Variants in MET observed in about 807,000 individuals in gnomAD.
MET encodes hepatocyte growth factor receptor.
MET carries 48 observed loss-of-function variants against 133.1 expected under a neutral mutation model. The observed-to-expected ratio is 0.36, with a 90% CI of 0.29 to 0.46. The LOEUF (loss-of-function observed/expected upper bound fraction) is 0.46. MET is among the 20% of genes least tolerant of loss of function. The pLI, the probability that MET is intolerant of heterozygous loss-of-function variation, is 1.00. For missense variants in MET, 1,442 were observed against 1,695.9 expected, an observed-to-expected ratio of 0.85 and a Z score of 2.63; for synonymous variants, 628 against 616.5, an observed-to-expected ratio of 1.02 and a Z score of -0.28.
chr7:116,753,627 A>C (rs1236226209), intron 5 of MET, among the ~76,000 whole-genome samples: 1 of 152,224 alleles, frequency 6.6e-6, no homozygotes, highest in Non-Finnish European at 1.5e-5. Context: ...TAAAAATGAG[A>C]TATAAAACAA....
At chr7:116,708,613 T>C (rs1269574918) in intron 2 of MET, among the ~76,000 whole-genome samples, 1 of 152,194 alleles carries the variant, frequency 6.6e-6, no homozygotes, top group South Asian at 2.1e-4. Flanking sequence ...CTTCTTCATA[T>C]GAAGAAAATA....
At chr7:116,704,431 G>C (rs1023351017) in intron 2 of MET, among the ~76,000 whole-genome samples, 1 of 152,044 alleles carries the variant, frequency 6.6e-6, no homozygotes, top group African/African-American at 2.4e-5. Flanking sequence ...TCTGTAAAAG[G>C]TCCCAACTTG....
chr7:116,754,488 C>A (rs1794047791), intron 5 of MET, among the ~76,000 whole-genome samples: 1 of 152,080 alleles, frequency 6.6e-6, no homozygotes, highest in African/African-American at 2.4e-5. Flanking sequence ...GTTTCTACTC[C>A]TACCCTAAAG....
rs1288843237 is a variant in MET at position 116,731,668 on chromosome 7, A to G, written c.1201A>G (p.Thr401Ala). Reference protein sequence around the residue: ...GPNHEHCFNRTLLRNSSGCEA... With the variant: ...GPNHEHCFNRALLRNSSGCEA... The stretch of plus-strand genomic sequence containing the variant: ...ACTCTATGACCATATTTTATTCCAG[A>G]CACTTCTGAGAAATTCATCAGGCTG... Residue 401 changes from threonine (T) to alanine (A), a missense_variant and splice_region_variant, in exon 3 of 21, where the codon ACA (threonine) becomes GCA (alanine). By Grantham distance (58) the Thr-to-Ala change is moderately conservative. This residue lies in a region of MET where 762 missense variants were observed against 792.4 expected (regional missense o/e 0.96). Coordinates refer to ENST00000397752, the MANE Select transcript of MET (RefSeq NM_000245.4). 1 of 1,614,054 alleles carries G rather than the reference A, an allele frequency of 6.2e-7. No homozygotes were observed. Among genetic ancestry groups the G allele is most frequent in the Admixed American group, 1.7e-5 (1 of 60,004 alleles).
intron 1 of MET, among the ~76,000 whole-genome samples, chr7:116,677,266 C>T (rs1345380388): frequency 6.6e-6 from 1 of 152,162 alleles, no homozygotes; most frequent in Non-Finnish European, 1.5e-5. Flanking sequence ...TTCCCCCTCG[C>T]TCTCCTTCCT....
At chr7:116,716,287 GAGAGAGAGAGA>G (rs1792192811) in intron 2 of MET, among the ~76,000 whole-genome samples, 5 of 20,788 alleles carry the variant, frequency 2.4e-4, no homozygotes, top group African/African-American at 9.9e-4. Context: ...GAGAGAGGGA[GAGAGAGAGAGA>G]GAGAGAGAGA....
At position 116,740,859 on chromosome 7, in the gene MET, A is replaced by T. The variant is rs1793417875; in HGVS notation, c.1535A>T (p.Lys512Met). ...CACCCCTTCTCTTCACAGATCACGA[A>T]GATCCCATTGAATGGCTTGGGCTGC... The part of the protein sequence containing the change: ...TLVITGKKIT[K>M]IPLNGLGCRH... Residue 512 changes from lysine (K) to methionine (M), a missense_variant, in exon 5 of 21, where the codon AAG becomes ATG. Lys to Met is a moderately conservative substitution (Grantham distance 95, BLOSUM62 -1). This residue lies in a region of MET where 762 missense variants were observed against 792.4 expected (regional missense o/e 0.96). Coordinates refer to ENST00000397752, the MANE Select transcript of MET (RefSeq NM_000245.4). 1.2e-6 allele frequency: 2 copies of T among 1,614,092 alleles called. No individual in the cohort carries two copies. Among genetic ancestry groups the T allele is most frequent in the Non-Finnish European group, 1.7e-6 (2 of 1,180,022 alleles).
intron 17 of MET, 63 bp downstream of exon 17, chr7:116,779,020 T>C (rs1020593559): frequency 1.3e-6 from 2 of 1,542,284 alleles, no homozygotes; most frequent in East Asian, 2.3e-5. Context: ...CCCTTCAAAA[T>C]AGGCCTGCTC....
chr7:116,680,962 G>A (rs1443874447), intron 1 of MET, among the ~76,000 whole-genome samples: 3 of 151,724 alleles, frequency 2.0e-5, no homozygotes, highest in Non-Finnish European at 2.9e-5. Context: ...GGGGAGGGAG[G>A]GTATGGAATA....
chr7:116,718,769 T>C (rs1792348414), intron 2 of MET, among the ~76,000 whole-genome samples: 1 of 149,556 alleles, frequency 6.7e-6, no homozygotes, highest in South Asian at 2.2e-4. Flanking sequence ...TGCAATAGTT[T>C]ACTGAGAATG....
intron 2 of MET, chr7:116,724,780 T>C (rs1163518685): frequency 7.8e-7 from 1 of 1,275,770 alleles, no homozygotes. Flanking sequence ...AGGCAGAAAA[T>C]GTGCTAGATT....
intron 5 of MET, among the ~76,000 whole-genome samples, chr7:116,752,068 A>G (rs933160531): frequency 2.6e-5 from 4 of 152,132 alleles, no homozygotes; most frequent in Non-Finnish European, 4.4e-5. Flanking sequence ...CTCAATAAAA[A>G]AAAAGAAAGA....
At chr7:116,744,668 C>G (rs1793596644) in intron 5 of MET, among the ~76,000 whole-genome samples, 1 of 152,156 alleles carries the variant, frequency 6.6e-6, no homozygotes, top group Non-Finnish European at 1.5e-5. Context: ...GCCCAACATT[C>G]AAATTCAGGA....
chr7:116,744,737 G>A (rs1793600779), intron 5 of MET, among the ~76,000 whole-genome samples: 1 of 152,118 alleles, frequency 6.6e-6, no homozygotes, highest in Non-Finnish European at 1.5e-5. Flanking sequence ...ACACATAATA[G>A]TCAGATTCAC....
chr7:116,766,867 A>G (rs1584950509), intron 11 of MET, among the ~76,000 whole-genome samples: 1 of 152,144 alleles, frequency 6.6e-6, no homozygotes, highest in East Asian at 1.9e-4. Context: ...CACCAGTTTA[A>G]TTTTGGTTTG....
rs191717411 is a variant in MET, at chr7:116,756,890, A to T, written c.1863-547A>T. ...GTGAGGTCTTTATGGATAAGGTCTGATATTTCCTGTTTGTCTGTATAAGTG... is the reference window on the plus strand; with the variant it reads ...GTGAGGTCTTTATGGATAAGGTCTGTTATTTCCTGTTTGTCTGTATAAGTG... On this transcript the variant is annotated intron_variant, in intron 6 of 20. Coordinates refer to ENST00000397752, the MANE Select transcript of MET (RefSeq NM_000245.4). Among the ~76,000 whole-genome samples the T allele has an allele frequency of 3.6e-4, 55 of 152,246 alleles. No homozygotes were observed. The East Asian group carries it at 5.6e-3, about 15-fold the overall frequency.
chr7:116,747,051 G>A (rs961407562), intron 5 of MET, among the ~76,000 whole-genome samples: 1 of 152,102 alleles, frequency 6.6e-6, no homozygotes, highest in African/African-American at 2.4e-5. Context: ...AGCTTCATAA[G>A]TGAAGGAGAA....
intron 15 of MET, 77 bp from the exon 16 acceptor site, chr7:116,777,312 C>T (rs988815418): frequency 4.2e-6 from 5 of 1,202,696 alleles, no homozygotes; most frequent in Non-Finnish European, 6.2e-6. Context: ...TAAAATGAAG[C>T]TCATAAAGGG....
chr7:116,766,842 A>G (rs948118556), intron 11 of MET, among the ~76,000 whole-genome samples: 3 of 152,148 alleles, frequency 2.0e-5, no homozygotes, highest in Non-Finnish European at 2.9e-5. Context: ...AAGGTCCCCA[A>G]CTAGCCAGCA....
Sources: allele counts gnomAD v4.1 joint callset (sites outside exome capture counted in the v4.1 genomes callset), GRCh38; gene constraint gnomAD v4.1.1; regional missense constraint gnomAD v4.1.1; transcripts MANE v1.5; gene names NCBI Gene and HGNC (gene_info 2026-07-23, HGNC 2026-07-21).